The following WDR72 variants were observed in gnomAD, a reference collection of about 807,000 sequenced individuals.
WDR72 encodes WD repeat domain 72, also known as WD repeat-containing protein 72.
A neutral mutation model predicts 124.2 loss-of-function variants in WDR72; 120 were observed. The observed-to-expected ratio is 0.97, with a 90% confidence interval of 0.83 to 1.12. The LOEUF (loss-of-function observed/expected upper bound fraction) is 1.12, where lower values mean the gene tolerates loss of function less well. WDR72 is among the 50% of genes most tolerant of loss of function. The pLI is 0.00. For missense variants in WDR72, 1,387 were observed against 1,278.8 expected (o/e 1.08, Z -1.29); for synonymous variants, 452 against 441.7 (o/e 1.02, Z -0.29).
chr15:53,680,927 C>A (rs1168988338), intron 13 of WDR72, among the ~76,000 whole-genome samples: 9 of 152,182 alleles, frequency 5.9e-5, no homozygotes. Context: ...GATCAGCAGG[C>A]AACATTATTT....
intron 3 of WDR72, 71 bp from the exon 4 acceptor site, chr15:53,716,756 C>A (rs2017722876): frequency 3.4e-6 from 4 of 1,164,326 alleles, no homozygotes; most frequent in Non-Finnish European, 5.1e-6. Context: ...TTTGTGCCAC[C>A]AAGTTTTTCT....
chr15:53,575,977 G>C (rs931308767), intron 18 of WDR72, among the ~76,000 whole-genome samples: 20 of 152,006 alleles, frequency 1.3e-4, no homozygotes, highest in African/African-American at 3.6e-4. Flanking sequence ...TAGGCCCTTT[G>C]ATCTTTGATT....
intron 18 of WDR72, among the ~76,000 whole-genome samples, chr15:53,582,936 A>T (rs1043318798): frequency 6.6e-6 from 1 of 152,018 alleles, no homozygotes. Context: ...AAAATGAACC[A>T]CTGGAAATAT....
chr15:53,651,021 T>A (rs976496520), intron 14 of WDR72, among the ~76,000 whole-genome samples: 5 of 151,876 alleles, frequency 3.3e-5, no homozygotes, highest in Non-Finnish European at 7.4e-5. Context: ...GTCAAGCTTC[T>A]TACTTTGGAT....
chr15:53,647,246 T>G (rs899876707), intron 14 of WDR72, among the ~76,000 whole-genome samples: 1 of 152,044 alleles, frequency 6.6e-6, no homozygotes, highest in Non-Finnish European at 1.5e-5. Context: ...AAACTAAAGG[T>G]ATTTATATCC....
At chr15:53,760,921 C>T (rs556284748), upstream of WDR72, among the ~76,000 whole-genome samples, 3 of 152,116 alleles carry the variant, frequency 2.0e-5, no homozygotes, top group Non-Finnish European at 2.9e-5. Flanking sequence ...GTCAGGAGTT[C>T]GAGACCAGCC....
intron 9 of WDR72, among the ~76,000 whole-genome samples, chr15:53,708,328 A>G (rs1187276310): frequency 6.6e-6 from 1 of 152,202 alleles, no homozygotes; most frequent in Admixed American, 6.5e-5. Context: ...TAGGCAATTT[A>G]GTGCACCTCA....
chr15:53,522,025 G>A (rs1891828508), intron 19 of WDR72, among the ~76,000 whole-genome samples: 1 of 151,942 alleles, frequency 6.6e-6, no homozygotes, highest in Non-Finnish European at 1.5e-5. Context: ...AGTTCCATGG[G>A]ATCTGAAAGC....
chr15:53,574,830 A>G (rs1894691110), intron 18 of WDR72, among the ~76,000 whole-genome samples: 1 of 152,148 alleles, frequency 6.6e-6, no homozygotes, highest in African/African-American at 2.4e-5. Context: ...GTGCTCATGT[A>G]TGAAGAAATA....
intron 17 of WDR72, among the ~76,000 whole-genome samples, chr15:53,605,018 A>G (rs981077161): frequency 6.6e-6 from 1 of 152,196 alleles, no homozygotes; most frequent in Non-Finnish European, 1.5e-5. Context: ...AAATCATTCT[A>G]TTATAAAGAC....
chr15:53,524,474 T>A (rs916733700), intron 18 of WDR72, among the ~76,000 whole-genome samples: 2 of 152,104 alleles, frequency 1.3e-5, no homozygotes, highest in Admixed American at 6.6e-5. Context: ...ACACATTTGG[T>A]ACGTGACACA....
chr15:53,520,779 C>T (rs1891749826), intron 19 of WDR72, among the ~76,000 whole-genome samples: 1 of 151,984 alleles, frequency 6.6e-6, no homozygotes, highest in Non-Finnish European at 1.5e-5. Context: ...AGTGAAAAGT[C>T]ATATTTTTAT....
At chr15:53,667,948 A>C (rs1381449129) in intron 13 of WDR72, among the ~76,000 whole-genome samples, 1 of 152,226 alleles carries the variant, frequency 6.6e-6, no homozygotes, top group East Asian at 1.9e-4. Context: ...ATTCATACAC[A>C]GATAATTAAT....
chr15:53,530,368 A>G (rs1892382826), intron 18 of WDR72, among the ~76,000 whole-genome samples: 1 of 151,886 alleles, frequency 6.6e-6, no homozygotes. Flanking sequence ...CACTAAAAGA[A>G]GTATGGTGGT....
intron 13 of WDR72, among the ~76,000 whole-genome samples, chr15:53,696,470 G>A (rs2017006068): frequency 6.6e-6 from 1 of 152,182 alleles, no homozygotes; most frequent in Non-Finnish European, 1.5e-5. Flanking sequence ...ATCTACTGAG[G>A]TAAGGGCACT....
intron 13 of WDR72, among the ~76,000 whole-genome samples, chr15:53,683,967 A>G (rs1415817152): frequency 6.6e-6 from 1 of 152,154 alleles, no homozygotes; most frequent in Admixed American, 6.5e-5. Context: ...GATGTCAACG[A>G]ACCCTTTTTT....
At chr15:53,556,263 T>G (rs1305486398) in intron 18 of WDR72, among the ~76,000 whole-genome samples, 3 of 152,158 alleles carry the variant, frequency 2.0e-5, no homozygotes, top group Non-Finnish European at 4.4e-5. Flanking sequence ...ATTATAATGA[T>G]GAAAACCATT....
rs77090143 is a variant in WDR72 at position 53,524,753 on chromosome 15, G to T, written c.3149-1431C>A. Among the ~76,000 whole-genome samples, 1,250 of 152,038 alleles carry T rather than the reference G, an allele frequency of 8.2e-3. 6 individuals are homozygous for T. Among genetic ancestry groups the T allele is most frequent in the Middle Eastern group, 0.021 (6 of 292 alleles). ...ACTACGTTTCTAAAACCTTTTTTGG[G>T]AACAAAATATAAGAAAAGCATGAAA... On this transcript the variant is annotated intron_variant, in intron 18 of 19. Transcript: ENST00000360509.
At chr15:53,541,003 G>A (rs1037876783) in intron 18 of WDR72, 12 of 159,356 alleles carry the variant, frequency 7.5e-5, no homozygotes, top group South Asian at 1.9e-4. Flanking sequence ...CGCCCACGGA[G>A]TCTCGCTGAT....
Sources: allele counts gnomAD v4.1 joint callset (sites outside exome capture counted in the v4.1 genomes callset), GRCh38; gene constraint gnomAD v4.1.1; transcripts MANE v1.5; gene names NCBI Gene and HGNC (gene_info 2026-07-23, HGNC 2026-07-21).